Variants in LEKR1 observed in about 807,000 individuals in gnomAD.
LEKR1 encodes protein LEKR1.
LEKR1 carries 59 observed loss-of-function variants against 72.4 expected under a neutral mutation model. That is an observed-to-expected ratio of 0.82 (90% confidence interval 0.66 to 1.01). The LOEUF is 1.01. Ranked by LOEUF, LEKR1 falls within the 50% of genes least tolerant of loss-of-function variation. LEKR1 has a pLI of 0.00. For synonymous variants in LEKR1, 257 were observed against 263.2 expected (o/e 0.98, Z 0.23); for missense variants, 728 against 759.2 (o/e 0.96, Z 0.48).
chr3:156,865,189 A>G (rs1717168188), intron 3 of LEKR1, among the ~76,000 whole-genome samples: 1 of 151,696 alleles, frequency 6.6e-6, no homozygotes, highest in Non-Finnish European at 1.5e-5. Context: ...CCCCATCATC[A>G]CTCTGCAGCA....
chr3:156,898,620 G>A (rs989157568), intron 3 of LEKR1, among the ~76,000 whole-genome samples: 33 of 152,152 alleles, frequency 2.2e-4, no homozygotes, highest in South Asian at 8.3e-4. Context: ...ACAGCCACCC[G>A]GATGGACTAA....
rs1487415909 is a variant in LEKR1, at chr3:157,045,320, T to C, written c.1669-20T>C. ...TTGTTTAAAGCTAAGTCTGCTTTCT[T>C]TTCCCCTCTCTCTTTTCAGAATACT... On this transcript the variant is annotated intron_variant, in intron 12 of 12. Coordinates refer to ENST00000356539, the MANE Select transcript of LEKR1 (RefSeq NM_001004316.3). The C allele has an allele frequency of 3.8e-6, 6 of 1,591,044 alleles. No homozygotes were observed. Among genetic ancestry groups the C allele is most frequent in the Non-Finnish European group, 5.1e-6 (6 of 1,167,182 alleles).
At chr3:157,028,514 T>G in intron 12 of LEKR1, 112 bp downstream of exon 12, 2 of 888,390 alleles carry the variant, frequency 2.3e-6, no homozygotes, top group South Asian at 3.7e-5. Flanking sequence ...TCCTGGAATG[T>G]TAGTCTGACC....
At chr3:156,934,895 A>G (rs1363440988) in intron 5 of LEKR1, among the ~76,000 whole-genome samples, 1 of 152,178 alleles carries the variant, frequency 6.6e-6, no homozygotes, top group African/African-American at 2.4e-5. Context: ...TATTATAGGT[A>G]TGTATCTTAT....
At chr3:156,977,673 T>C in intron 6 of LEKR1, 1 of 250,866 alleles carries the variant, frequency 4.0e-6, no homozygotes. Context: ...CAAATGTACA[T>C]GGGATGGATG....
chr3:156,946,534 G>T (rs1487042001), intron 6 of LEKR1, among the ~76,000 whole-genome samples: 1 of 151,340 alleles, frequency 6.6e-6, no homozygotes, highest in African/African-American at 2.4e-5. Flanking sequence ...TAGAGGAAAG[G>T]CTTTTAATTT....
chr3:156,902,283 T>G (rs1722113423), intron 3 of LEKR1, among the ~76,000 whole-genome samples: 1 of 152,186 alleles, frequency 6.6e-6, no homozygotes, highest in African/African-American at 2.4e-5. Flanking sequence ...AGATTACCCT[T>G]AATATCACTT....
intron 3 of LEKR1, among the ~76,000 whole-genome samples, chr3:156,879,574 G>C (rs1304674337): frequency 6.6e-6 from 1 of 152,188 alleles, no homozygotes; most frequent in Non-Finnish European, 1.5e-5. Flanking sequence ...ACATAAATTT[G>C]TATAAGTAAT....
chr3:156,831,459 G>A (rs1475077105), intron 2 of LEKR1, among the ~76,000 whole-genome samples: 1 of 152,144 alleles, frequency 6.6e-6, no homozygotes, highest in Non-Finnish European at 1.5e-5. Context: ...TTCTCCCAAA[G>A]TTAGATTGGC....
At chr3:156,952,013 T>C (rs1003080897) in intron 6 of LEKR1, among the ~76,000 whole-genome samples, 1 of 151,568 alleles carries the variant, frequency 6.6e-6, no homozygotes, top group African/African-American at 2.4e-5. Context: ...TTTGAGTGTA[T>C]GAAAGTTGTA....
intron 3 of LEKR1, among the ~76,000 whole-genome samples, chr3:156,912,544 T>C (rs1308346495): frequency 6.6e-6 from 1 of 152,178 alleles, no homozygotes; most frequent in African/African-American, 2.4e-5. Context: ...CCTGCCTATC[T>C]GCTGTCAAAG....
chr3:156,870,978 T>C (rs959040940), intron 3 of LEKR1, among the ~76,000 whole-genome samples: 1 of 152,074 alleles, frequency 6.6e-6, no homozygotes, highest in Non-Finnish European at 1.5e-5. Flanking sequence ...TATTATACTT[T>C]AAGTTTTAGG....
intron 3 of LEKR1, among the ~76,000 whole-genome samples, chr3:156,897,150 C>T (rs754492687): frequency 6.6e-6 from 1 of 152,160 alleles, no homozygotes; most frequent in Non-Finnish European, 1.5e-5. Context: ...CCCTGTGACA[C>T]ACAATTAACC....
intron 10 of LEKR1, among the ~76,000 whole-genome samples, chr3:157,020,637 C>T (rs1277347478): frequency 6.6e-6 from 1 of 151,408 alleles, no homozygotes; most frequent in Non-Finnish European, 1.5e-5. Context: ...CATAGTATTC[C>T]ATGGTGTATA....
At chr3:156,844,277 A>T (rs533060174) in intron 2 of LEKR1, among the ~76,000 whole-genome samples, 183 of 152,116 alleles carry the variant, frequency 1.2e-3, no homozygotes, top group Non-Finnish European at 1.9e-3. Flanking sequence ...TATTTTTATT[A>T]TTTTAAAATT....
intron 3 of LEKR1, among the ~76,000 whole-genome samples, chr3:156,882,896 G>A (rs1450775562): frequency 2.0e-5 from 3 of 151,342 alleles, no homozygotes; most frequent in South Asian, 4.2e-4. Flanking sequence ...GTAAACTATC[G>A]CAAGAACAAA....
At chr3:156,834,835 T>G (rs576651253) in intron 2 of LEKR1, among the ~76,000 whole-genome samples, 6 of 152,358 alleles carry the variant, frequency 3.9e-5, no homozygotes, top group Admixed American at 2.0e-4. Context: ...AATGTCTAAA[T>G]TTTGAAGATG....
At chr3:156,896,696 A>T (rs1052616801) in intron 3 of LEKR1, among the ~76,000 whole-genome samples, 14 of 152,246 alleles carry the variant, frequency 9.2e-5, no homozygotes, top group Non-Finnish European at 1.6e-4. Context: ...GCTGTTATAT[A>T]TACCCAAAGG....
At chr3:156,888,488 A>G in intron 3 of LEKR1, 2 of 657,140 alleles carry the variant, frequency 3.0e-6, no homozygotes, top group South Asian at 3.3e-5. Context: ...ATTTATTATG[A>G]TACTAAGCCA....
Sources: gnomAD v4.1 joint callset for allele counts (sites outside exome capture counted in the v4.1 genomes callset) on GRCh38, gnomAD v4.1.1 for gene constraint, MANE v1.5 for transcripts, NCBI Gene and HGNC (gene_info 2026-07-23, HGNC 2026-07-21) for gene names.